The following PSMD12 variants were observed in gnomAD, a reference collection of about 807,000 sequenced individuals.
The protein encoded by PSMD12 is proteasome 26S subunit, non-ATPase 12, also known as 26S proteasome non-ATPase regulatory subunit 12.
A neutral mutation model predicts 62.9 loss-of-function variants in PSMD12; 8 were observed. The observed-to-expected ratio is 0.13, with a 90% CI of 0.07 to 0.23. The LOEUF (loss-of-function observed/expected upper bound fraction) is 0.23, where lower values mean the gene tolerates loss of function less well. Among genes scored for constraint, PSMD12 ranks in the 10% least tolerant of loss-of-function variants. PSMD12 has a pLI of 1.00. For synonymous variants in PSMD12, 173 were observed against 187.4 expected (o/e 0.92, Z 0.63); for missense variants, 424 against 550.2 (o/e 0.77, Z 2.29).
At position 67,356,557 on chromosome 17, in the gene PSMD12, C is replaced by CAAAAAAAAA. The variant is rs35353017; in HGVS notation, c.297+737_297+745dup. Among the ~76,000 whole-genome samples, 139 of 15,002 alleles carry CAAAAAAAAA rather than the reference C, an allele frequency of 9.3e-3. 10 individuals are homozygous for CAAAAAAAAA. The highest frequency in any genetic ancestry group is 0.019 in the Non-Finnish European group (109 of 5,840). The allele number at this position is 15,002 out of a possible 152,430, so 9.8% of individuals were successfully genotyped here. On this transcript the variant is annotated intron_variant, in intron 3 of 10. Transcript: ENST00000356126. ...TGGGCGACAGAGCGAGACTCCGTCT[C>CAAAAAAAAA]AAAAAAAAAAAAAAAAAAAAAAAAA...
intron 1 of PSMD12, among the ~76,000 whole-genome samples, chr17:67,363,191 G>A (rs528255177): frequency 6.6e-6 from 1 of 151,690 alleles, no homozygotes; most frequent in Non-Finnish European, 1.5e-5. Flanking sequence ...TCACTCTGTT[G>A]CCCAGGGTTC....
chr17:67,344,495 C>A, intron 9 of PSMD12, 111 bp downstream of exon 9: 1 of 992,550 alleles, frequency 1.0e-6, no homozygotes, highest in Non-Finnish European at 1.5e-6. Flanking sequence ...ATTTGGTTAT[C>A]AAATGTGACA....
At chr17:67,360,307 T>C (rs2042117537) in intron 1 of PSMD12, among the ~76,000 whole-genome samples, 1 of 152,222 alleles carries the variant, frequency 6.6e-6, no homozygotes, top group Non-Finnish European at 1.5e-5. Flanking sequence ...TTAAATTGCA[T>C]CATACATGTG....
In PSMD12 at chr17:67,338,573, G is replaced by A. The variant is rs1379712611; in HGVS notation, c.*2270C>T. The A allele has an allele frequency of 1.3e-5, 2 of 152,262 alleles. No homozygotes were observed. The highest frequency in any genetic ancestry group is 4.8e-5 in the African/African-American group (2 of 41,470). The allele number at this position is 152,262 out of a possible 1,614,324, so 9.4% of individuals were successfully genotyped here. A position where few individuals can be genotyped will look rare whatever the true frequency, so the allele number is the denominator to read the frequency against. On this transcript the variant is annotated 3_prime_UTR_variant, in exon 11 of 11. Coordinates refer to ENST00000356126, the MANE Select transcript of PSMD12 (RefSeq NM_002816.5). ...TGTGTTAAAGAAAGACGAAAGAGGAGTTGGGTGCAGTGGCTCATGCCTGTA... is the reference window on the plus strand; with the variant it reads ...TGTGTTAAAGAAAGACGAAAGAGGAATTGGGTGCAGTGGCTCATGCCTGTA...
At chr17:67,362,879 C>T (rs2042146110) in intron 1 of PSMD12, 1 of 152,024 alleles carries the variant, frequency 6.6e-6, no homozygotes, top group Non-Finnish European at 1.5e-5. Context: ...AAATCAATAC[C>T]TATAAAGGCA....
In PSMD12 at chr17:67,357,590, G is replaced by C. The variant is rs770942200; in HGVS notation, c.109-12C>G. On this transcript the variant is annotated splice_polypyrimidine_tract_variant and intron_variant, in intron 1 of 10. Coordinates refer to ENST00000356126, the MANE Select transcript of PSMD12 (RefSeq NM_002816.5). The stretch of plus-strand genomic sequence containing the variant: ...TGAAGTCTTCCTTCCTAAAACAAAA[G>C]ATGAAAATGAACAATAAAAAAACAC... 8 of 1,608,520 alleles carry C rather than the reference G, an allele frequency of 5.0e-6. No homozygotes were observed. Among genetic ancestry groups the C allele is most frequent in the Non-Finnish European group, 6.8e-6 (8 of 1,175,514 alleles).
At chr17:67,351,786 CTT>C (rs539634008) in intron 3 of PSMD12, among the ~76,000 whole-genome samples, 3 of 143,898 alleles carry the variant, frequency 2.1e-5, no homozygotes, top group Non-Finnish European at 4.6e-5. Flanking sequence ...TTATTTCCAC[CTT>C]TTTTTTTTTT....
chr17:67,344,598 A>G lies in PSMD12; in HGVS notation c.1083+8T>C. The G allele has an allele frequency of 6.3e-7, 1 of 1,592,520 alleles. No homozygotes were observed. The highest frequency in any genetic ancestry group is 8.6e-7 in the Non-Finnish European group (1 of 1,167,460). On this transcript the variant is annotated splice_region_variant and intron_variant, in intron 9 of 10. Coordinates refer to ENST00000356126, the MANE Select transcript of PSMD12 (RefSeq NM_002816.5). ...ATAAAAATTGTCATCTCTATGACAG[A>G]TTCTTACATGTTCAACAACTCTGTT...
intron 3 of PSMD12, among the ~76,000 whole-genome samples, chr17:67,351,989 C>T (rs1372876392): frequency 6.7e-6 from 1 of 149,942 alleles, no homozygotes; most frequent in Non-Finnish European, 1.5e-5. Flanking sequence ...CCCAGCTACT[C>T]AGGAGTCTAA....
At chr17:67,356,450 C>T (rs1295361643) in intron 3 of PSMD12, among the ~76,000 whole-genome samples, 7 of 142,422 alleles carry the variant, frequency 4.9e-5, no homozygotes, top group African/African-American at 1.8e-4. Context: ...CCCAGCTACT[C>T]GGGAGGCTGA....
chr17:67,349,957 T>C (rs1195023783), intron 4 of PSMD12, among the ~76,000 whole-genome samples: 2 of 152,204 alleles, frequency 1.3e-5, no homozygotes, highest in Non-Finnish European at 2.9e-5. Context: ...GTAGAATTTT[T>C]ATTCATTTTT....
intron 1 of PSMD12, among the ~76,000 whole-genome samples, chr17:67,364,424 G>C (rs996675158): frequency 6.6e-6 from 1 of 152,226 alleles, no homozygotes; most frequent in African/African-American, 2.4e-5. Context: ...AACAACTGTA[G>C]CAGTGAAGTC....
intron 9 of PSMD12, among the ~76,000 whole-genome samples, chr17:67,342,752 ACAG>A (rs1943347005): frequency 6.6e-6 from 1 of 152,104 alleles, no homozygotes; most frequent in South Asian, 2.1e-4. Flanking sequence ...GCCTGGGAAC[ACAG>A]CAAGACCCCA....
chr17:67,364,838 T>G (rs1190735584), intron 1 of PSMD12, among the ~76,000 whole-genome samples: 2 of 152,152 alleles, frequency 1.3e-5, no homozygotes, highest in Non-Finnish European at 2.9e-5. Flanking sequence ...TTGGCAAAGA[T>G]TATCTGAAGG....
chr17:67,340,634 G>A lies in PSMD12; in HGVS notation c.*209C>T, dbSNP rs181580412. The A allele has an allele frequency of 9.2e-6, 4 of 435,346 alleles. No homozygotes were observed. Among genetic ancestry groups the A allele is most frequent in the Non-Finnish European group, 1.6e-5 (4 of 251,728 alleles). 27.0% of individuals were successfully genotyped at this position (435,346 alleles called of 1,614,324 possible). ...GACACAACTTTTTGTGTATTCAGAC[G>A]ACAGAAATCTGTATTTTTGCACCAA... On this transcript the variant is annotated 3_prime_UTR_variant, in exon 11 of 11. Transcript: ENST00000356126.
intron 1 of PSMD12, among the ~76,000 whole-genome samples, chr17:67,365,083 C>T (rs1221282432): frequency 1.3e-5 from 2 of 150,382 alleles, no homozygotes; most frequent in Admixed American, 6.7e-5. Flanking sequence ...ACTCGGGAGG[C>T]GGAGGCAGGA....
chr17:67,362,465 G>C (rs2042140194), intron 1 of PSMD12, among the ~76,000 whole-genome samples: 1 of 152,016 alleles, frequency 6.6e-6, no homozygotes, highest in Non-Finnish European at 1.5e-5. Flanking sequence ...ACAACATCAA[G>C]AGTTTGAGAC....
At chr17:67,352,946 A>G (rs1418415642) in intron 3 of PSMD12, among the ~76,000 whole-genome samples, 2 of 152,244 alleles carry the variant, frequency 1.3e-5, no homozygotes, top group African/African-American at 4.8e-5. Flanking sequence ...GCCAAAGCGA[A>G]GCCATAAAGT....
intron 1 of PSMD12, among the ~76,000 whole-genome samples, chr17:67,364,509 T>G (rs926172450): frequency 1.3e-5 from 2 of 152,236 alleles, no homozygotes; most frequent in African/African-American, 4.8e-5. Flanking sequence ...TCATAGTGTC[T>G]AACACTGACT....
Sources: allele counts gnomAD v4.1 joint callset (sites outside exome capture counted in the v4.1 genomes callset), GRCh38; gene constraint gnomAD v4.1.1; transcripts MANE v1.5; gene names NCBI Gene and HGNC (gene_info 2026-07-23, HGNC 2026-07-21).